The following HMGA2 variants were observed in gnomAD, a reference collection of about 807,000 sequenced individuals.
HMGA2 encodes the protein high mobility group AT-hook 2.
In HMGA2, 8 loss-of-function variants were observed where a neutral mutation model predicts 19.1. The observed-to-expected ratio is 0.42, with a 90% CI of 0.25 to 0.76. The LOEUF (loss-of-function observed/expected upper bound fraction) is 0.76, where lower values mean the gene tolerates loss of function less well. Among genes scored for constraint, HMGA2 ranks in the 30% least tolerant of loss-of-function variants. HMGA2 has a pLI of 0.28. For missense variants in HMGA2, 109 were observed against 136.3 expected, an observed-to-expected ratio of 0.80 and a Z score of 1.00; for synonymous variants, 60 against 48.8, an observed-to-expected ratio of 1.23 and a Z score of -0.96.
At chr12:65,853,326 T>C (rs563999423) in intron 3 of HMGA2, among the ~76,000 whole-genome samples, 1 of 152,330 alleles carries the variant, frequency 6.6e-6, no homozygotes, top group East Asian at 1.9e-4. Flanking sequence ...TTTAAATCTG[T>C]TGAATATACT....
chr12:65,836,403 A>ATC (rs1200211278), intron 2 of HMGA2, among the ~76,000 whole-genome samples: 1 of 151,974 alleles, frequency 6.6e-6, no homozygotes, highest in African/African-American at 2.4e-5. Flanking sequence ...TAAGGGTTCC[A>ATC]TCTAGTTAGG....
At chr12:65,842,371 T>C (rs1871038983) in intron 3 of HMGA2, 1 of 620,244 alleles carries the variant, frequency 1.6e-6, no homozygotes, top group Non-Finnish European at 2.8e-6. Context: ...TTAATTTCAC[T>C]GTACACTTTC....
rs1355683461 is a variant in HMGA2, at chr12:65,887,342, C to A, written c.249+48773C>A. On this transcript the variant is annotated intron_variant, in intron 3 of 4. Coordinates refer to ENST00000403681, the MANE Select transcript of HMGA2 (RefSeq NM_003483.6). ...GTGCTTCATCCCTGTAATCCCAGCA[C>A]TTTGGGAGGCTGAGATGGGTCGATC... 1.3e-4 allele frequency among the ~76,000 whole-genome samples: 20 copies of A among 152,172 alleles called. 1 individual carries two copies. The highest frequency in any genetic ancestry group is 1.3e-3 in the Admixed American group (20 of 15,276).
At position 65,825,110 on chromosome 12, in the gene HMGA2, C is replaced by A; in HGVS notation, c.-161C>A. The stretch of plus-strand genomic sequence containing the variant: ...GGACGTCCGGTGTTGATGGTGGCAG[C>A]GGCGGCAGCCTAAGCAACAGCAGCC... On this transcript the variant is annotated 5_prime_UTR_variant, in exon 1 of 5. Coordinates refer to ENST00000403681, the MANE Select transcript of HMGA2 (RefSeq NM_003483.6). This position sits in a 1 kb window ranked among gnomAD's most constrained non-coding sequence, Gnocchi z 4.4. 1.1e-5 allele frequency: 6 copies of A among 536,218 alleles called. No individual in the cohort carries two copies. In the South Asian group the frequency reaches 1.5e-4, roughly 14 times the overall value. The allele number at this position is 536,218 out of a possible 1,614,324, so 33.2% of individuals were successfully genotyped here. A position where few individuals can be genotyped will look rare whatever the true frequency, so the allele number is the denominator to read the frequency against.
chr12:65,827,080 T>A (rs919069932), intron 1 of HMGA2: 2 of 152,190 alleles, frequency 1.3e-5, no homozygotes, highest in African/African-American at 4.8e-5. Flanking sequence ...ATATTTGGGA[T>A]CTGGAATATT....
Position 65,910,497 on chromosome 12 carries a change from T to C in HMGA2, c.250-40886T>C, listed in dbSNP as rs567969565. On this transcript the variant is annotated intron_variant, in intron 3 of 4. Coordinates refer to ENST00000403681, the MANE Select transcript of HMGA2 (RefSeq NM_003483.6). Reference sequence around the variant, plus strand: ...CATAGATTCTGTTGTCCCAATGTTATAGATTATTGAGTAAGATGTTCTGTA... The same window carrying C: ...CATAGATTCTGTTGTCCCAATGTTACAGATTATTGAGTAAGATGTTCTGTA... Among the ~76,000 whole-genome samples, 209 of 152,338 alleles carry C rather than the reference T, an allele frequency of 1.4e-3. 1 individual carries two copies. The highest frequency in any genetic ancestry group is 2.4e-3 in the Non-Finnish European group (163 of 68,020).
At chr12:65,887,747 A>G (rs1873720047) in intron 3 of HMGA2, among the ~76,000 whole-genome samples, 1 of 152,160 alleles carries the variant, frequency 6.6e-6, no homozygotes, top group Non-Finnish European at 1.5e-5. Context: ...TAAAAATCTT[A>G]AAGAACAATA....
At chr12:65,855,488 A>ACACACC (rs1172608295) in intron 3 of HMGA2, among the ~76,000 whole-genome samples, 2 of 151,352 alleles carry the variant, frequency 1.3e-5, no homozygotes, top group African/African-American at 4.9e-5. Flanking sequence ...ACACACACAC[A>ACACACC]CAGAGCAAAG....
intron 3 of HMGA2, among the ~76,000 whole-genome samples, chr12:65,902,295 C>T (rs144246435): frequency 1.6e-4 from 25 of 152,160 alleles, no homozygotes; most frequent in East Asian, 1.2e-3. Flanking sequence ...CAAACAATAT[C>T]GAACACCTGT....
intron 3 of HMGA2, among the ~76,000 whole-genome samples, chr12:65,862,168 A>C (rs1418341253): frequency 6.6e-6 from 1 of 152,150 alleles, no homozygotes; most frequent in African/African-American, 2.4e-5. Context: ...CTAAGTGAAC[A>C]GTATGACTTC....
chr12:65,880,052 A>C (rs1051542560), intron 3 of HMGA2, among the ~76,000 whole-genome samples: 1 of 152,258 alleles, frequency 6.6e-6, no homozygotes, highest in Non-Finnish European at 1.5e-5. Context: ...ACAGTGGTTG[A>C]CCAAAAGTAT....
intron 3 of HMGA2, among the ~76,000 whole-genome samples, chr12:65,846,408 A>G (rs895820359): frequency 6.6e-6 from 1 of 152,172 alleles, no homozygotes; most frequent in Non-Finnish European, 1.5e-5. Flanking sequence ...AGGTTTAGTG[A>G]ATTTGTCTTA....
At position 65,964,711 on chromosome 12, in the gene HMGA2, AG is replaced by A. The variant is rs1377390916; in HGVS notation, c.*1420del. On this transcript the variant is annotated 3_prime_UTR_variant, in exon 5 of 5. Transcript: ENST00000403681. ...AGAAGCAATCTCCTTACTGTGTTTC[AG>A]CATGACTATGTATTTTTCTATGTTT... 11 of 201,694 alleles carry A rather than the reference AG, an allele frequency of 5.5e-5. No homozygotes were observed. The highest frequency in any genetic ancestry group is 4.8e-4 in the Admixed American group (8 of 16,704). 12.5% of individuals were successfully genotyped at this position (201,694 alleles called of 1,614,324 possible). A position where few individuals can be genotyped will look rare whatever the true frequency, so the allele number is the denominator to read the frequency against.
At chr12:65,873,405 G>A (rs900277640) in intron 3 of HMGA2, among the ~76,000 whole-genome samples, 7 of 152,008 alleles carry the variant, frequency 4.6e-5, no homozygotes, top group African/African-American at 9.6e-5. Flanking sequence ...TATTTTTTTC[G>A]TACTGAATCT....
At position 65,951,577 on chromosome 12, in the gene HMGA2, A is replaced by G. The variant is rs780012450; in HGVS notation, c.282+162A>G. 5 of 588,028 alleles carry G rather than the reference A, an allele frequency of 8.5e-6. No homozygotes were observed. In the South Asian group the frequency reaches 1.0e-4, roughly 12 times the overall value. The allele number at this position is 588,028 out of a possible 1,614,324, so 36.4% of individuals were successfully genotyped here. On this transcript the variant is annotated intron_variant, in intron 4 of 4. Coordinates refer to ENST00000403681, the MANE Select transcript of HMGA2 (RefSeq NM_003483.6). ...TTGTAGCCTTCAAAGTTAGGAATAT[A>G]TAGTCTGCAATCGTACCATGAAAAC...
In HMGA2 at chr12:65,965,249, A is replaced by C. The variant is rs138213871; in HGVS notation, c.*1957A>C. 8.3e-4 allele frequency: 168 copies of C among 203,228 alleles called. No homozygotes were observed. The highest frequency in any genetic ancestry group is 3.2e-3 in the African/African-American group (140 of 43,750). 12.6% of individuals were successfully genotyped at this position (203,228 alleles called of 1,614,324 possible). A position where few individuals can be genotyped will look rare whatever the true frequency, so the allele number is the denominator to read the frequency against. On this transcript the variant is annotated 3_prime_UTR_variant, in exon 5 of 5. Coordinates refer to ENST00000403681, the MANE Select transcript of HMGA2 (RefSeq NM_003483.6). ...TTTTTAAGATTAGTTGAATATAAGAAAATGCTTGACAAATATTTTCATGTA... is the reference window on the plus strand; with the variant it reads ...TTTTTAAGATTAGTTGAATATAAGACAATGCTTGACAAATATTTTCATGTA...
intron 4 of HMGA2, chr12:65,952,269 T>C (rs893795983): frequency 3.2e-6 from 3 of 930,424 alleles, no homozygotes; most frequent in African/African-American, 1.6e-5. Flanking sequence ...TCAAATTAAG[T>C]AGAACTCTTT....
chr12:65,830,318 G>T (rs1870424530), intron 2 of HMGA2, among the ~76,000 whole-genome samples: 1 of 151,834 alleles, frequency 6.6e-6, no homozygotes, highest in Non-Finnish European at 1.5e-5. Context: ...TGTTTATTAA[G>T]CATATATTGT....
At chr12:65,833,445 G>A (rs1321934043) in intron 2 of HMGA2, among the ~76,000 whole-genome samples, 1 of 150,318 alleles carries the variant, frequency 6.7e-6, no homozygotes, top group African/African-American at 2.4e-5. Flanking sequence ...ATGCACTGAT[G>A]GATTTGCAGT....
Sources: allele counts gnomAD v4.1 joint callset (sites outside exome capture counted in the v4.1 genomes callset), GRCh38; gene constraint gnomAD v4.1.1; non-coding constraint Gnocchi (gnomAD v3.1); transcripts MANE v1.5; gene names NCBI Gene and HGNC (gene_info 2026-07-23, HGNC 2026-07-21).